NAT2: variants seen among roughly 807,000 people sequenced by gnomAD.
NAT2 encodes the protein arylamine N-acetyltransferase 2.
For synonymous variants in NAT2, 137 were observed against 125.9 expected (o/e 1.09, Z -0.59); for missense variants, 428 against 339.1 (o/e 1.26, Z -2.06).
intron 1 of NAT2, among the ~76,000 whole-genome samples, chr8:18,392,808 CA>C (rs1463348915): frequency 2.6e-5 from 4 of 152,128 alleles, no homozygotes; most frequent in Admixed American, 6.6e-5. Context: ...TGGCCAGAAA[CA>C]GGTAAATTAG....
chr8:18,396,037 A>G (rs948837290), intron 1 of NAT2, among the ~76,000 whole-genome samples: 3 of 151,892 alleles, frequency 2.0e-5, no homozygotes, highest in African/African-American at 7.3e-5. Context: ...TCTTATTCAA[A>G]GGAAATCTAA....
chr8:18,391,805 G>C (rs114085702), intron 1 of NAT2, among the ~76,000 whole-genome samples: 1 of 152,206 alleles, frequency 6.6e-6, no homozygotes, highest in East Asian at 1.9e-4. Context: ...GAATAAATGA[G>C]AGTCTGACAC....
chr8:18,396,746 C>A (rs1800699434), intron 1 of NAT2, among the ~76,000 whole-genome samples: 1 of 152,108 alleles, frequency 6.6e-6, no homozygotes, highest in South Asian at 2.1e-4. Flanking sequence ...ATAAAAACAG[C>A]TAAATCCTGA....
chr8:18,399,027 A>G (rs1800743954), intron 1 of NAT2, among the ~76,000 whole-genome samples: 1 of 152,208 alleles, frequency 6.6e-6, no homozygotes, highest in East Asian at 1.9e-4. Flanking sequence ...TTTAGAATAG[A>G]AGCCAAAATA....
Position 18,391,320 on chromosome 8 carries a change from A to G in NAT2, c.-32A>G, listed in dbSNP as rs905078145. Reference sequence around the variant, plus strand: ...CCTTGGAAGCAAGAGGATTGCATTCAGCCTAGTTCCTGGTTGCTGGCCAAA... The same window carrying G: ...CCTTGGAAGCAAGAGGATTGCATTCGGCCTAGTTCCTGGTTGCTGGCCAAA... On this transcript the variant is annotated 5_prime_UTR_variant, in exon 1 of 2. Transcript: ENST00000286479. 6.6e-6 allele frequency: 1 copy of G among 152,174 alleles called. No individual in the cohort carries two copies. Among genetic ancestry groups the G allele is most frequent in the African/African-American group, 2.4e-5 (1 of 41,440 alleles). 9.4% of individuals were successfully genotyped at this position (152,174 alleles called of 1,614,324 possible). A position where few individuals can be genotyped will look rare whatever the true frequency, so the allele number is the denominator to read the frequency against.
chr8:18,398,724 G>A (rs1800737365), intron 1 of NAT2, among the ~76,000 whole-genome samples: 1 of 152,136 alleles, frequency 6.6e-6, no homozygotes, highest in Non-Finnish European at 1.5e-5. Context: ...GCTTTGGGTT[G>A]ATATCCTCCC....
chr8:18,401,049 G>A lies in NAT2; in HGVS notation c.*173G>A. 2.1e-6 allele frequency: 1 copy of A among 477,616 alleles called. No individual in the cohort carries two copies. Among genetic ancestry groups the A allele is most frequent in the Non-Finnish European group, 3.6e-6 (1 of 275,248 alleles). 29.6% of individuals were successfully genotyped at this position (477,616 alleles called of 1,614,324 possible). Reference sequence around the variant, plus strand: ...TATTAAAAAACAATAACTTTTTAAAGAAACATAAGGACACATTTTCAAATT... The same window carrying A: ...TATTAAAAAACAATAACTTTTTAAAAAAACATAAGGACACATTTTCAAATT... On this transcript the variant is annotated 3_prime_UTR_variant, in exon 2 of 2. Coordinates refer to ENST00000286479, the MANE Select transcript of NAT2 (RefSeq NM_000015.3).
At chr8:18,386,518 C>G (rs1291296687), upstream of NAT2, among the ~76,000 whole-genome samples, 1 of 152,198 alleles carries the variant, frequency 6.6e-6, no homozygotes, top group South Asian at 2.1e-4. Flanking sequence ...TGTTCTGTCC[C>G]GGACACACGG....
chr8:18,393,771 G>T (rs1181437954), intron 1 of NAT2, among the ~76,000 whole-genome samples: 4 of 152,184 alleles, frequency 2.6e-5, no homozygotes, highest in African/African-American at 9.6e-5. Flanking sequence ...CGTTGAAAAT[G>T]TTACTTTGCA....
At chr8:18,392,467 T>C (rs1181859599) in intron 1 of NAT2, among the ~76,000 whole-genome samples, 1 of 152,210 alleles carries the variant, frequency 6.6e-6, no homozygotes, top group East Asian at 1.9e-4. Flanking sequence ...AGGAGAAAGA[T>C]GTAGGCTGGG....
chr8:18,396,260 TTTTTA>T (rs1355540405), intron 1 of NAT2, among the ~76,000 whole-genome samples: 3 of 144,326 alleles, frequency 2.1e-5, no homozygotes, highest in African/African-American at 2.7e-5. Context: ...ATTAGTATGC[TTTTTA>T]TTTTAAGGTT....
chr8:18,392,432 T>A (rs553824337), intron 1 of NAT2, among the ~76,000 whole-genome samples: 4 of 152,228 alleles, frequency 2.6e-5, no homozygotes, highest in African/African-American at 9.6e-5. Flanking sequence ...GAGTTTGATG[T>A]TTGAGGGCAG....
rs576639978 is a variant in NAT2, at chr8:18,399,793, T to A, written c.-6-205T>A. Among the ~76,000 whole-genome samples the A allele has an allele frequency of 5.4e-4, 82 of 152,306 alleles. No homozygotes were observed. The South Asian group carries it at 9.1e-3, about 17-fold the overall frequency. On this transcript the variant is annotated intron_variant, in intron 1 of 1. Coordinates refer to ENST00000286479, the MANE Select transcript of NAT2 (RefSeq NM_000015.3). Reference sequence around the variant, plus strand: ...GACGGAAGATACAATAATACTTTCCTTACAGGGTTCTGAGACTACTAAGAG... The same window carrying A: ...GACGGAAGATACAATAATACTTTCCATACAGGGTTCTGAGACTACTAAGAG...
In NAT2 at chr8:18,395,175, T is replaced by TC. The variant is rs375366469; in HGVS notation, c.-7+3831dup. Among the ~76,000 whole-genome samples, 666 of 152,236 alleles carry TC rather than the reference T, an allele frequency of 4.4e-3. 2 individuals are homozygous for TC. The highest frequency in any genetic ancestry group is 0.015 in the African/African-American group (620 of 41,554). Reference sequence around the variant, plus strand: ...CCATGAGAGTCCTGGGAGTTTTTTTTCTCTATACCAGTGGCACAATCTCCA... The same window carrying TC: ...CCATGAGAGTCCTGGGAGTTTTTTTTCCTCTATACCAGTGGCACAATCTCCA... On this transcript the variant is annotated intron_variant, in intron 1 of 1. Coordinates refer to ENST00000286479, the MANE Select transcript of NAT2 (RefSeq NM_000015.3).
chr8:18,398,034 A>T (rs1162282131), intron 1 of NAT2, among the ~76,000 whole-genome samples: 1 of 152,200 alleles, frequency 6.6e-6, no homozygotes, highest in African/African-American at 2.4e-5. Context: ...ATTACTGAAA[A>T]ATCAACTCAC....
intron 1 of NAT2, among the ~76,000 whole-genome samples, chr8:18,393,526 T>C (rs1343585635): frequency 6.6e-6 from 1 of 152,148 alleles, no homozygotes; most frequent in Non-Finnish European, 1.5e-5. Context: ...GAAAAGCTAG[T>C]CTATAGCTTT....
upstream of NAT2, among the ~76,000 whole-genome samples, chr8:18,387,983 C>T (rs1032005553): frequency 6.6e-6 from 1 of 152,174 alleles, no homozygotes; most frequent in Admixed American, 6.5e-5. Flanking sequence ...CAGTTAGGCC[C>T]TTGTAATTTC....
chr8:18,391,770 T>C (rs1563247370), intron 1 of NAT2, among the ~76,000 whole-genome samples: 1 of 152,218 alleles, frequency 6.6e-6, no homozygotes, highest in Non-Finnish European at 1.5e-5. Flanking sequence ...TTTGCTGGTT[T>C]CTGGCTCTGC....
At chr8:18,395,129 C>A (rs1436794085) in intron 1 of NAT2, among the ~76,000 whole-genome samples, 3 of 152,306 alleles carry the variant, frequency 2.0e-5, no homozygotes, top group Admixed American at 1.3e-4. Context: ...GGTGAGCAAT[C>A]TTCATGAACA....
Sources: gnomAD v4.1 joint callset for allele counts (sites outside exome capture counted in the v4.1 genomes callset) on GRCh38, gnomAD v4.1.1 for gene constraint, MANE v1.5 for transcripts, NCBI Gene and HGNC (gene_info 2026-07-23, HGNC 2026-07-21) for gene names.